UNC5D: variants seen among roughly 807,000 people sequenced by gnomAD.
The protein encoded by UNC5D is netrin receptor UNC5D.
Under a neutral mutation model 105.4 loss-of-function variants are expected in UNC5D, and 39 were observed. That is an observed-to-expected ratio of 0.37 (90% CI 0.29 to 0.48). The LOEUF is 0.48. Among genes scored for constraint, UNC5D ranks in the 20% least tolerant of loss-of-function variants. UNC5D has a pLI of 0.98. For missense variants in UNC5D, 991 were observed against 1,202.4 expected (o/e 0.82, Z 2.60); for synonymous variants, 452 against 450.4 (o/e 1.00, Z -0.04).
intron 1 of UNC5D, among the ~76,000 whole-genome samples, chr8:35,275,128 T>TTA (rs1554499771): frequency 1.4e-4 from 21 of 149,146 alleles, no homozygotes; most frequent in African/African-American, 2.2e-4. Context: ...ATATATATTT[T>TTA]TATATATATA....
intron 1 of UNC5D, among the ~76,000 whole-genome samples, chr8:35,412,457 T>C (rs1258544629): frequency 6.6e-6 from 1 of 151,328 alleles, no homozygotes; most frequent in Non-Finnish European, 1.5e-5. Context: ...TTGCTTTTTG[T>C]ATGTTATGAC....
intron 1 of UNC5D, among the ~76,000 whole-genome samples, chr8:35,488,794 C>T (rs997071120): frequency 6.6e-6 from 1 of 152,006 alleles, no homozygotes; most frequent in Non-Finnish European, 1.5e-5. Context: ...CACAGATTGG[C>T]GATGGGACAA....
At position 35,724,609 on chromosome 8, in the gene UNC5D, G is replaced by C. The variant is rs918726687; in HGVS notation, c.1304-1543G>C. Among the ~76,000 whole-genome samples, 8 of 152,238 alleles carry C rather than the reference G, an allele frequency of 5.3e-5. No individual in the cohort carries two copies. In the East Asian group the frequency reaches 5.8e-4, roughly 11 times the overall value. ...ATATGTCCAGAATCAGGCATTTCCC[G>C]CTCAAGTGCTGTCTCACTCTAGGAA... On this transcript the variant is annotated intron_variant, in intron 9 of 16. Coordinates refer to ENST00000404895, the MANE Select transcript of UNC5D (RefSeq NM_080872.4).
At chr8:35,749,469 C>T (rs1830159240) in intron 12 of UNC5D, among the ~76,000 whole-genome samples, 1 of 152,156 alleles carries the variant, frequency 6.6e-6, no homozygotes, top group African/African-American at 2.4e-5. Flanking sequence ...CTAGGGTCTT[C>T]CTCCCAGAAG....
chr8:35,701,251 C>T (rs563998797), intron 7 of UNC5D, among the ~76,000 whole-genome samples: 1 of 152,194 alleles, frequency 6.6e-6, no homozygotes, highest in Non-Finnish European at 1.5e-5. Context: ...TGGTATCAAA[C>T]ATATCTATGC....
chr8:35,275,037 G>A (rs1805679584), intron 1 of UNC5D, among the ~76,000 whole-genome samples: 1 of 151,728 alleles, frequency 6.6e-6, no homozygotes, highest in Non-Finnish European at 1.5e-5. Context: ...GTTGTAGTGA[G>A]CCAAGATCGC....
chr8:35,353,746 T>G (rs900171364), intron 1 of UNC5D, among the ~76,000 whole-genome samples: 1 of 151,726 alleles, frequency 6.6e-6, no homozygotes, highest in African/African-American at 2.4e-5. Flanking sequence ...AAAAAGATAG[T>G]GGGAAAAAGA....
chr8:35,447,726 G>A (rs2128988587), intron 1 of UNC5D, among the ~76,000 whole-genome samples: 1 of 152,118 alleles, frequency 6.6e-6, no homozygotes, highest in Middle Eastern at 3.4e-3. Context: ...TCTCATGTGG[G>A]TACTGACATA....
chr8:35,479,093 T>G (rs548804092), intron 1 of UNC5D, among the ~76,000 whole-genome samples: 35 of 152,178 alleles, frequency 2.3e-4, no homozygotes, highest in Non-Finnish European at 5.0e-4. Flanking sequence ...TTCTAACTGT[T>G]AAAAGTTTGC....
intron 1 of UNC5D, among the ~76,000 whole-genome samples, chr8:35,316,886 T>C (rs1809344976): frequency 6.6e-6 from 1 of 152,160 alleles, no homozygotes; most frequent in Admixed American, 6.6e-5. Context: ...CTAGAGGACA[T>C]TTATTTAATC....
At chr8:35,606,271 C>T (rs529787422) in intron 4 of UNC5D, among the ~76,000 whole-genome samples, 1 of 152,120 alleles carries the variant, frequency 6.6e-6, no homozygotes, top group Non-Finnish European at 1.5e-5. Flanking sequence ...CAGACATGAG[C>T]CACCGCACCT....
chr8:35,743,549 GA>G (rs1241138090), intron 11 of UNC5D, among the ~76,000 whole-genome samples: 1 of 151,266 alleles, frequency 6.6e-6, no homozygotes, highest in East Asian at 1.9e-4. Flanking sequence ...AAAGTGCTGG[GA>G]TTACAGACAT....
intron 3 of UNC5D, among the ~76,000 whole-genome samples, chr8:35,587,456 G>A (rs1818864269): frequency 6.6e-6 from 1 of 152,182 alleles, no homozygotes; most frequent in African/African-American, 2.4e-5. Context: ...ATTCAGATGA[G>A]TTGAAGTGGG....
chr8:35,246,262 G>A (rs1001947315), intron 1 of UNC5D, among the ~76,000 whole-genome samples: 2 of 151,916 alleles, frequency 1.3e-5, no homozygotes, highest in Admixed American at 1.3e-4. Flanking sequence ...GCTTTTCTTG[G>A]CATTTTAAAT....
intron 9 of UNC5D, chr8:35,724,333 T>G (rs1184581730): frequency 2.6e-6 from 4 of 1,529,886 alleles, no homozygotes; most frequent in African/African-American, 1.4e-5. Flanking sequence ...GTAATCTGCC[T>G]CATGCTGATA....
chr8:35,261,395 T>TATA (rs1804481466), intron 1 of UNC5D, among the ~76,000 whole-genome samples: 4 of 152,192 alleles, frequency 2.6e-5, no homozygotes, highest in Admixed American at 2.6e-4. Flanking sequence ...TTTTGCTGCT[T>TATA]ATAAAGGCAA....
In UNC5D at chr8:35,333,766, C is replaced by T. The variant is rs146536118; in HGVS notation, c.103+97879C>T. Among the ~76,000 whole-genome samples, 993 of 152,326 alleles carry T rather than the reference C, an allele frequency of 6.5e-3. 8 individuals are homozygous for T. The highest frequency in any genetic ancestry group is 0.022 in the African/African-American group (908 of 41,564). Reference sequence around the variant, plus strand: ...AAGTGCTGGGATTACAGGCGTGAGCCACTGCACCAGGCCAGTGTTTGTTTT... The same window carrying T: ...AAGTGCTGGGATTACAGGCGTGAGCTACTGCACCAGGCCAGTGTTTGTTTT... On this transcript the variant is annotated intron_variant, in intron 1 of 16. Coordinates refer to ENST00000404895, the MANE Select transcript of UNC5D (RefSeq NM_080872.4).
intron 4 of UNC5D, among the ~76,000 whole-genome samples, chr8:35,637,156 C>T (rs779308487): frequency 2.6e-5 from 4 of 152,136 alleles, no homozygotes; most frequent in Admixed American, 1.3e-4. Flanking sequence ...ATTATTAGCA[C>T]ACATTGTTTC....
chr8:35,248,636 T>C (rs1423163736), intron 1 of UNC5D, among the ~76,000 whole-genome samples: 2 of 98,632 alleles, frequency 2.0e-5, no homozygotes, highest in African/African-American at 4.3e-5. Flanking sequence ...ATATATGTTA[T>C]ATATAATATA....
Sources: gnomAD v4.1 joint callset for allele counts (sites outside exome capture counted in the v4.1 genomes callset) on GRCh38, gnomAD v4.1.1 for gene constraint, MANE v1.5 for transcripts, NCBI Gene and HGNC (gene_info 2026-07-23, HGNC 2026-07-21) for gene names.